TRIM23: variants seen among roughly 807,000 people sequenced by gnomAD.
TRIM23 encodes tripartite motif containing 23.
A neutral mutation model predicts 71.0 loss-of-function variants in TRIM23; 27 were observed. That is an observed-to-expected ratio of 0.38 (90% CI 0.28 to 0.52). The LOEUF (loss-of-function observed/expected upper bound fraction) is 0.52, where lower values mean the gene tolerates loss of function less well. Ranked by LOEUF, TRIM23 falls within the 20% of genes least tolerant of loss-of-function variation. TRIM23 has a pLI of 0.84. For missense variants in TRIM23, 482 were observed against 692.3 expected (o/e 0.70, Z 3.41); for synonymous variants, 234 against 238.0 (o/e 0.98, Z 0.16).
chr5:65,606,631 T>C (rs760160288), intron 6 of TRIM23, among the ~76,000 whole-genome samples: 1 of 152,222 alleles, frequency 6.6e-6, no homozygotes, highest in Non-Finnish European at 1.5e-5. Flanking sequence ...ATACCAGGCA[T>C]GCTGCCCTAG....
At chr5:65,602,968 A>T (rs1754402049) in intron 7 of TRIM23, among the ~76,000 whole-genome samples, 1 of 152,194 alleles carries the variant, frequency 6.6e-6, no homozygotes, top group Non-Finnish European at 1.5e-5. Context: ...ATGCAATGGA[A>T]TATTATTCAG....
At chr5:65,614,718 G>A (rs1754736781) in intron 2 of TRIM23, among the ~76,000 whole-genome samples, 1 of 141,062 alleles carries the variant, frequency 7.1e-6, no homozygotes, top group African/African-American at 2.7e-5. Context: ...CTGGATGACA[G>A]AGCAAGACTC....
intron 7 of TRIM23, among the ~76,000 whole-genome samples, chr5:65,598,473 G>A (rs34581637): frequency 0.035 from 5,375 of 152,282 alleles, 159 homozygotes; most frequent in Middle Eastern, 0.092. Context: ...TAGGCCGGGC[G>A]TGGTGGCTCA....
At chr5:65,594,391 G>A in intron 10 of TRIM23, 130 bp downstream of exon 10, 1 of 1,214,396 alleles carries the variant, frequency 8.2e-7, no homozygotes, top group Non-Finnish European at 1.1e-6. Context: ...TTTTCACATA[G>A]ATTGTACTCA....
At chr5:65,613,982 TG>T in intron 3 of TRIM23, 115 bp downstream of exon 3, 2 of 1,542,956 alleles carry the variant, frequency 1.3e-6, no homozygotes, top group Admixed American at 2.0e-5. Flanking sequence ...AATGAAAAGT[TG>T]TGTTTCTAGA....
chr5:65,609,148 G>T (rs533546792), intron 6 of TRIM23, 95 bp downstream of exon 6: 17 of 1,261,288 alleles, frequency 1.3e-5, no homozygotes, highest in African/African-American at 9.0e-5. Context: ...GCATACAGCA[G>T]ACACAAAATA....
chr5:65,596,664 A>C, intron 8 of TRIM23, 133 bp from the exon 9 acceptor site: 1 of 637,582 alleles, frequency 1.6e-6, no homozygotes, highest in Non-Finnish European at 2.7e-6. Context: ...ACTGAAGCCT[A>C]ATCAACCCCA....
chr5:65,613,814 T>A (rs1162858455), intron 3 of TRIM23: 1 of 1,326,422 alleles, frequency 7.5e-7, no homozygotes, highest in East Asian at 4.6e-5. Context: ...TTTCTTACTA[T>A]TCCATAATCT....
rs186063060 is a variant in TRIM23 at position 65,623,350 on chromosome 5, T to C, written c.81+844A>G. On this transcript the variant is annotated intron_variant, in intron 1 of 10. Coordinates refer to ENST00000231524, the MANE Select transcript of TRIM23 (RefSeq NM_001656.4). ...TACTAAAACTCCTCAGTGATCCTAA[T>C]ATGTAGCCAGGAATGAGAATTATCA... 2.4e-3 allele frequency among the ~76,000 whole-genome samples: 361 copies of C among 152,280 alleles called. 2 individuals carry two copies. The highest frequency in any genetic ancestry group is 8.3e-3 in the African/African-American group (346 of 41,546).
At chr5:65,616,376 T>C (rs1237489687) in intron 2 of TRIM23, among the ~76,000 whole-genome samples, 1 of 152,122 alleles carries the variant, frequency 6.6e-6, no homozygotes, top group African/African-American at 2.4e-5. Context: ...CCAGGTGTGG[T>C]GGCTCATGCC....
chr5:65,622,977 T>G (rs1450696148), intron 1 of TRIM23, among the ~76,000 whole-genome samples: 1 of 152,200 alleles, frequency 6.6e-6, no homozygotes, highest in South Asian at 2.1e-4. Flanking sequence ...ATTCAATAAA[T>G]AAAATCTCAG....
intron 5 of TRIM23, among the ~76,000 whole-genome samples, chr5:65,610,232 C>G (rs1392531735): frequency 6.6e-6 from 1 of 152,130 alleles, no homozygotes; most frequent in East Asian, 1.9e-4. Flanking sequence ...TTTTGTTGCT[C>G]CTCCAATTCA....
intron 3 of TRIM23, 194 bp downstream of exon 3, chr5:65,613,904 G>C (rs1581188569): frequency 6.7e-7 from 1 of 1,486,868 alleles, no homozygotes; most frequent in African/African-American, 1.4e-5. Flanking sequence ...CATAGTTTAG[G>C]CATAGGATTT....
intron 1 of TRIM23, among the ~76,000 whole-genome samples, chr5:65,621,896 T>C (rs1754958827): frequency 6.6e-6 from 1 of 151,742 alleles, no homozygotes. Context: ...GGCCTGAGCA[T>C]GGTTCACTGC....
In TRIM23 at chr5:65,596,489, G is replaced by C; in HGVS notation, c.1352C>G (p.Thr451Ser). Residue 451 changes from threonine (T) to serine (S), a missense_variant, in exon 9 of 11, where the codon ACT becomes AGT. Transcript: ENST00000231524. ...GTGTTTTCCACCTACATCCCAAATA[G>C]TGAATTTTAGATTTTTATATTCTAC... is the stretch of plus-strand genomic sequence containing the variant. ...ETVEYKNLKF[T>S]IWDVGGKHKL... 1 of 1,611,636 alleles carries C rather than the reference G, an allele frequency of 6.2e-7. No homozygotes were observed. The highest frequency in any genetic ancestry group is 8.5e-7 in the Non-Finnish European group (1 of 1,178,178).
At chr5:65,623,922 G>A (rs1320399907) in intron 1 of TRIM23, among the ~76,000 whole-genome samples, 1 of 152,222 alleles carries the variant, frequency 6.6e-6, no homozygotes, top group African/African-American at 2.4e-5. Flanking sequence ...CAGAGGACCT[G>A]GAGAAAAGAC....
chr5:65,594,028 C>T (rs1051702343), intron 10 of TRIM23, among the ~76,000 whole-genome samples: 2 of 152,178 alleles, frequency 1.3e-5, no homozygotes, highest in African/African-American at 4.8e-5. Context: ...ATGGCCTTGT[C>T]TGTTATTCTA....
Position 65,599,174 on chromosome 5 carries a change from A to C in TRIM23, c.1180-1994T>G, listed in dbSNP as rs190143821. On this transcript the variant is annotated intron_variant, in intron 7 of 10. Transcript: ENST00000231524. Reference sequence around the variant, plus strand: ...ATCTTGTATGTAGAAAACCCTGAAGAGTCCACACAAAAAGACCTATTAGAA... The same window carrying C: ...ATCTTGTATGTAGAAAACCCTGAAGCGTCCACACAAAAAGACCTATTAGAA... 1.9e-3 allele frequency among the ~76,000 whole-genome samples: 294 copies of C among 152,316 alleles called. 2 individuals carry two copies. Among genetic ancestry groups the C allele is most frequent in the African/African-American group, 6.8e-3 (283 of 41,582 alleles).
In TRIM23 at chr5:65,590,992, CAATTT is replaced by C; in HGVS notation, c.*772_*776del. Reference sequence around the variant, plus strand: ...TAAATTTGTTGAAAAATAGAAGGACCAATTTAGAGCTCTGACCTAGGTTCAGTCCT... The same window carrying C: ...TAAATTTGTTGAAAAATAGAAGGACCAGAGCTCTGACCTAGGTTCAGTCCT... On this transcript the variant is annotated 3_prime_UTR_variant, in exon 11 of 11. Transcript: ENST00000231524. 2 of 985,074 alleles carry C rather than the reference CAATTT, an allele frequency of 2.0e-6. No individual in the cohort carries two copies. The highest frequency in any genetic ancestry group is 2.4e-6 in the Non-Finnish European group (2 of 829,738). The allele number at this position is 985,074 out of a possible 1,614,324, so 61.0% of individuals were successfully genotyped here.
Sources: gnomAD v4.1 joint callset for allele counts (sites outside exome capture counted in the v4.1 genomes callset) on GRCh38, gnomAD v4.1.1 for gene constraint, MANE v1.5 for transcripts, NCBI Gene and HGNC (gene_info 2026-07-23, HGNC 2026-07-21) for gene names.